The following WWOX variants were observed in gnomAD, a reference collection of about 807,000 sequenced individuals.
The protein encoded by WWOX is WW domain-containing oxidoreductase.
WWOX carries 69 observed loss-of-function variants against 46.2 expected under a neutral mutation model. That is an observed-to-expected ratio of 1.49 (90% confidence interval 1.23 to 1.82). The LOEUF is 1.82. Ranked by LOEUF, WWOX falls within the 40% of genes most tolerant of loss-of-function variation. The pLI, the probability that WWOX is intolerant of heterozygous loss-of-function variation, is 0.00. For synonymous variants in WWOX, 359 were observed against 202.6 expected (o/e 1.77, Z -6.56); for missense variants, 919 against 542.6 (o/e 1.69, Z -6.89).
intron 8 of WWOX, among the ~76,000 whole-genome samples, chr16:79,000,522 G>C (rs1298312903): frequency 2.0e-5 from 3 of 152,094 alleles, no homozygotes; most frequent in East Asian, 1.9e-4. Flanking sequence ...AAGAGGACTT[G>C]GCCTGATGTT....
chr16:78,546,927 G>C (rs890731133), intron 8 of WWOX, among the ~76,000 whole-genome samples: 13 of 151,906 alleles, frequency 8.6e-5, no homozygotes, highest in African/African-American at 3.1e-4. Flanking sequence ...AGGGGTTTCA[G>C]ATCAGTCTGG....
intron 8 of WWOX, among the ~76,000 whole-genome samples, chr16:78,596,566 G>A (rs968075015): frequency 6.6e-6 from 1 of 152,088 alleles, no homozygotes. Flanking sequence ...ACTGGGGACA[G>A]GACAGGTGTG....
At chr16:78,490,945 C>A (rs929885456) in intron 8 of WWOX, among the ~76,000 whole-genome samples, 1 of 152,266 alleles carries the variant, frequency 6.6e-6, no homozygotes, top group African/African-American at 2.4e-5. Context: ...GCATCACGGG[C>A]AACTCGGCTT....
intron 8 of WWOX, among the ~76,000 whole-genome samples, chr16:78,470,274 C>T (rs976727027): frequency 1.3e-5 from 2 of 152,168 alleles, no homozygotes; most frequent in Non-Finnish European, 2.9e-5. Flanking sequence ...CTTTGAACTC[C>T]AGGAGGCTAG....
Position 79,025,946 on chromosome 16 carries a change from C to G in WWOX, c.1057-185662C>G, listed in dbSNP as rs953531449. Among the ~76,000 whole-genome samples, 5 of 148,662 alleles carry G rather than the reference C, an allele frequency of 3.4e-5. 1 individual carries two copies. Among genetic ancestry groups the G allele is most frequent in the African/African-American group, 1.3e-4 (5 of 38,318 alleles). On this transcript the variant is annotated intron_variant, in intron 8 of 8. Transcript: ENST00000566780. ...CCCGAGTAGCTGGGATAATAGGTGC[C>G]TATCACCACGCCGAGCTAATGTTTT... is the stretch of plus-strand genomic sequence containing the variant.
intron 8 of WWOX, among the ~76,000 whole-genome samples, chr16:78,818,281 G>T (rs1157071242): frequency 6.6e-6 from 1 of 152,174 alleles, no homozygotes; most frequent in South Asian, 2.1e-4. Context: ...CTACTTTCCA[G>T]TGTGGACAAG....
At chr16:78,625,772 A>C (rs1567445861) in intron 8 of WWOX, among the ~76,000 whole-genome samples, 1 of 142,024 alleles carries the variant, frequency 7.0e-6, no homozygotes, top group Non-Finnish European at 1.5e-5. Flanking sequence ...TTACTTTTGC[A>C]GTTTTTGCCA....
chr16:78,767,014 C>A (rs2049938664), intron 8 of WWOX, among the ~76,000 whole-genome samples: 1 of 152,144 alleles, frequency 6.6e-6, no homozygotes, highest in African/African-American at 2.4e-5. Flanking sequence ...CAAGGTCAAT[C>A]CATATTGTAG....
intron 8 of WWOX, among the ~76,000 whole-genome samples, chr16:78,761,895 T>G (rs1245545097): frequency 1.3e-5 from 2 of 152,212 alleles, no homozygotes; most frequent in Non-Finnish European, 2.9e-5. Flanking sequence ...TCATTAGTGC[T>G]TTATCTCCTT....
At chr16:78,723,622 C>CTTTTCTTTT (rs2048751765) in intron 8 of WWOX, among the ~76,000 whole-genome samples, 1 of 119,888 alleles carries the variant, frequency 8.3e-6, no homozygotes, top group African/African-American at 3.2e-5. Flanking sequence ...CTTTTCTTTT[C>CTTTTCTTTT]TTTTCTTTTT....
rs544059053 is a variant in WWOX, at chr16:78,798,572, C to A, written c.1056+365820C>A. On this transcript the variant is annotated intron_variant, in intron 8 of 8. Transcript: ENST00000566780. The stretch of plus-strand genomic sequence containing the variant: ...CTATGCAATATATTCCTCCCTCCCC[C>A]CAAGGTAGTTGTTGTTGGGTTTTTT... Among the ~76,000 whole-genome samples the A allele has an allele frequency of 9.6e-5, 14 of 145,700 alleles. 1 individual carries two copies. In the South Asian group the frequency reaches 1.8e-3, roughly 19 times the overall value.
chr16:78,632,459 G>C (rs1201326396), intron 8 of WWOX, among the ~76,000 whole-genome samples: 1 of 151,614 alleles, frequency 6.6e-6, no homozygotes, highest in East Asian at 1.9e-4. Context: ...AGAGGGTGTA[G>C]GCCAAGAAAG....
intron 8 of WWOX, among the ~76,000 whole-genome samples, chr16:78,462,394 G>A (rs1372882004): frequency 2.0e-5 from 3 of 152,116 alleles, no homozygotes; most frequent in African/African-American, 7.2e-5. Context: ...CTAGTGAGCC[G>A]GCCATAGATT....
At chr16:78,776,832 T>C (rs995267302) in intron 8 of WWOX, among the ~76,000 whole-genome samples, 2 of 151,954 alleles carry the variant, frequency 1.3e-5, no homozygotes, top group African/African-American at 4.8e-5. Flanking sequence ...TATAAAACCA[T>C]CAGATCGCGT....
intron 8 of WWOX, among the ~76,000 whole-genome samples, chr16:78,513,810 A>G (rs924031480): frequency 6.6e-6 from 1 of 152,144 alleles, no homozygotes; most frequent in African/African-American, 2.4e-5. Flanking sequence ...ATCCACCTGC[A>G]TACTTTACAC....
rs56259165 is a variant in WWOX, at chr16:78,420,035, A to G, written c.606-4835A>G. Among the ~76,000 whole-genome samples, 1,254 of 152,306 alleles carry G rather than the reference A, an allele frequency of 8.2e-3. 15 individuals carry two copies. Among genetic ancestry groups the G allele is most frequent in the African/African-American group, 0.028 (1,171 of 41,570 alleles). Reference sequence around the variant, plus strand: ...CCAATGAATACATAAAAGATGTTCAATCTCATTAGGGAAATGCAAATGAAA... The same window carrying G: ...CCAATGAATACATAAAAGATGTTCAGTCTCATTAGGGAAATGCAAATGAAA... On this transcript the variant is annotated intron_variant, in intron 6 of 8. Transcript: ENST00000566780.
chr16:78,940,952 C>G (rs1002558394), intron 8 of WWOX, among the ~76,000 whole-genome samples: 2 of 151,938 alleles, frequency 1.3e-5, no homozygotes, highest in African/African-American at 2.4e-5. Context: ...CCCCCCCACC[C>G]CATCCCACTC....
At chr16:78,108,592 C>G (rs2032301612) in intron 2 of WWOX, 105 bp downstream of exon 2, 1 of 1,299,096 alleles carries the variant, frequency 7.7e-7, no homozygotes, top group Non-Finnish European at 1.1e-6. Context: ...GGAGGGCTCT[C>G]TGGTAGAGAA....
chr16:78,433,537 C>T (rs1237518988), intron 8 of WWOX, among the ~76,000 whole-genome samples: 1 of 152,164 alleles, frequency 6.6e-6, no homozygotes, highest in African/African-American at 2.4e-5. Context: ...TCCAGTTACC[C>T]AAACTTAAAA....
Sources: gnomAD v4.1 joint callset for allele counts (sites outside exome capture counted in the v4.1 genomes callset) on GRCh38, gnomAD v4.1.1 for gene constraint, MANE v1.5 for transcripts, NCBI Gene and HGNC (gene_info 2026-07-23, HGNC 2026-07-21) for gene names.